DOP1B: variants seen among roughly 807,000 people sequenced by gnomAD.
The protein encoded by DOP1B is DOP1 leucine zipper like protein B.
A neutral mutation model predicts 233.5 loss-of-function variants in DOP1B; 174 were observed. The ratio of observed to expected loss-of-function variants is 0.75; its 90% CI spans 0.66 to 0.85. The LOEUF (loss-of-function observed/expected upper bound fraction) is 0.85. DOP1B is among the 40% of genes least tolerant of loss of function. The pLI is 0.00. For synonymous variants in DOP1B, 1,190 were observed against 1,185.6 expected (o/e 1.00, Z -0.08); for missense variants, 2,652 against 2,846.6 (o/e 0.93, Z 1.56).
At position 36,245,424 on chromosome 21, in the gene DOP1B, C is replaced by T. The variant is rs775022984; in HGVS notation, c.3444C>T (p.Ile1148=). The change falls in exon 19 of 37, where the codon ATC becomes ATT. Residue 1148 remains isoleucine, a synonymous_variant. Transcript: ENST00000691173. The surrounding 1 kb of genome is among the most constrained non-coding windows in gnomAD (Gnocchi z 5.5). ...ACGAAGAGAACTGCTGTGCACCCATCCCCATGGGGGGCAGGGCGTACCCCA... is the reference window on the plus strand; with the variant it reads ...ACGAAGAGAACTGCTGTGCACCCATTCCCATGGGGGGCAGGGCGTACCCCA... ...LSNEENCCAP[I]PMGGRAYPKR... 1.4e-5 allele frequency: 22 copies of T among 1,614,052 alleles called. No homozygotes were observed. The South Asian group carries it at 1.6e-4, about 12-fold the overall frequency.
In DOP1B at chr21:36,238,640, T is replaced by G. The variant is rs1364215769; in HGVS notation, c.2815T>G (p.Trp939Gly). The G allele has an allele frequency of 1.2e-6, 2 of 1,614,244 alleles. No individual in the cohort carries two copies. Among genetic ancestry groups the G allele is most frequent in the Admixed American group, 1.7e-5 (1 of 60,022 alleles). ...AGCTCTGTTTAGATTTTCCGTGATCTGGCATCTGACAAGAGAGATCCAAGG... is the reference window on the plus strand; with the variant it reads ...AGCTCTGTTTAGATTTTCCGTGATCGGGCATCTGACAAGAGAGATCCAAGG... ...LEALFRFSVI[W>G]HLTREIQGSR... The change falls in exon 17 of 37, where the codon TGG becomes GGG. Residue 939 changes from tryptophan (W) to glycine (G), a missense_variant. Trp to Gly is a radical substitution (Grantham distance 184). This residue lies in a region of DOP1B where 2,617 missense variants were observed against 2,794.3 expected (regional missense o/e 0.94). Transcript: ENST00000691173.
At chr21:36,238,011 T>C (rs1026411664) in intron 16 of DOP1B, among the ~76,000 whole-genome samples, 1 of 151,986 alleles carries the variant, frequency 6.6e-6, no homozygotes, top group Admixed American at 6.6e-5. Context: ...GTACTAAAAA[T>C]ACAATATTAG....
In DOP1B at chr21:36,277,069, A is replaced by G. The variant is rs1412017678; in HGVS notation, c.5681A>G (p.Tyr1894Cys). 3 of 1,614,006 alleles carry G rather than the reference A, an allele frequency of 1.9e-6. No individual in the cohort carries two copies. Among genetic ancestry groups the G allele is most frequent in the Non-Finnish European group, 2.5e-6 (3 of 1,180,000 alleles). ...AMVSSSAPSV[Y>C]SVQALSLLAE... ...GTGTCTTCATCCGCCCCGTCGGTGT[A>G]CAGCGTGCAAGCCCTCTCTCTCCTG... Residue 1894 changes from tyrosine to cysteine, a missense_variant, in exon 28 of 37, where the codon TAC becomes TGC. This residue lies in a region of DOP1B where 2,617 missense variants were observed against 2,794.3 expected (regional missense o/e 0.94). Transcript: ENST00000691173.
intron 2 of DOP1B, among the ~76,000 whole-genome samples, chr21:36,191,615 G>A (rs981248524): frequency 2.6e-5 from 4 of 152,074 alleles, no homozygotes; most frequent in Non-Finnish European, 1.5e-5. Context: ...GTGAAACCTC[G>A]TCTCTACTAA....
rs188057589 is a variant in DOP1B, at chr21:36,213,670, C to T, written c.905-411C>T. On this transcript the variant is annotated intron_variant, in intron 7 of 36. Transcript: ENST00000691173. Reference sequence around the variant, plus strand: ...TCTTCTGCCTCAACCTCCCAAGTAGCTGGGATTACAGGTGTGCGCCATCAC... The same window carrying T: ...TCTTCTGCCTCAACCTCCCAAGTAGTTGGGATTACAGGTGTGCGCCATCAC... Among the ~76,000 whole-genome samples, 37 of 151,934 alleles carry T rather than the reference C, an allele frequency of 2.4e-4. No homozygotes were observed. The East Asian group carries it at 6.5e-3, about 27-fold the overall frequency.
At chr21:36,274,634 A>G (rs1030569395) in intron 27 of DOP1B, among the ~76,000 whole-genome samples, 1 of 152,082 alleles carries the variant, frequency 6.6e-6, no homozygotes, top group Non-Finnish European at 1.5e-5. Flanking sequence ...GCTGAGAAGC[A>G]AAGTGCAACA....
At chr21:36,227,959 G>A in intron 13 of DOP1B, 82 bp downstream of exon 13, 1 of 1,328,452 alleles carries the variant, frequency 7.5e-7, no homozygotes, top group South Asian at 1.6e-5. Flanking sequence ...CTTTAGGGTT[G>A]GTTAGGATAG....
intron 1 of DOP1B, among the ~76,000 whole-genome samples, chr21:36,162,050 C>A (rs986498342): frequency 1.3e-5 from 2 of 152,146 alleles, no homozygotes; most frequent in Non-Finnish European, 2.9e-5. Context: ...CTAGGTATTT[C>A]TGTTATAAGT....
chr21:36,171,225 G>A (rs762329797), intron 2 of DOP1B, among the ~76,000 whole-genome samples: 1 of 152,156 alleles, frequency 6.6e-6, no homozygotes, highest in East Asian at 1.9e-4. Context: ...TATAGCTTAC[G>A]TAAGGGGAAA....
chr21:36,160,666 C>T (rs941001866), intron 1 of DOP1B, among the ~76,000 whole-genome samples: 3 of 151,818 alleles, frequency 2.0e-5, no homozygotes, highest in Non-Finnish European at 4.4e-5. Context: ...TTAGTAGTGA[C>T]GGGGTTTCGC....
chr21:36,251,601 A>G (rs956054074), intron 22 of DOP1B, among the ~76,000 whole-genome samples: 14 of 152,096 alleles, frequency 9.2e-5, no homozygotes, highest in Non-Finnish European at 1.8e-4. Flanking sequence ...TGTATTTTTT[A>G]GTAGAGACAG....
At chr21:36,253,654 A>T in intron 22 of DOP1B, 118 bp from the exon 23 acceptor site, 74 of 1,072,258 alleles carry the variant, frequency 6.9e-5, no homozygotes, top group Non-Finnish European at 9.2e-5. Context: ...AAAAAAAAAG[A>T]GATGAAAACA....
At chr21:36,208,964 C>T (rs2066461865) in intron 5 of DOP1B, 60 bp downstream of exon 5, 1 of 1,431,498 alleles carries the variant, frequency 7.0e-7, no homozygotes, top group Non-Finnish European at 9.2e-7. Context: ...ACAGCATCCT[C>T]ATGGGCAGGT....
Position 36,209,034 on chromosome 21 carries a change from G to T in DOP1B, c.681+130G>T, listed in dbSNP as rs985660115. 6 of 1,084,630 alleles carry T rather than the reference G, an allele frequency of 5.5e-6. No individual in the cohort carries two copies. In the African/African-American group the frequency reaches 9.9e-5, roughly 18 times the overall value. 67.2% of individuals were successfully genotyped at this position (1,084,630 alleles called of 1,614,324 possible). On this transcript the variant is annotated intron_variant, in intron 5 of 36. Coordinates refer to ENST00000691173, the MANE Select transcript of DOP1B (RefSeq NM_001320714.2). Reference sequence around the variant, plus strand: ...GGAGGTGCACCAAGCTTAAGTCTGGGTAACGAACGGCTGAGCAAGGCGAGA... The same window carrying T: ...GGAGGTGCACCAAGCTTAAGTCTGGTTAACGAACGGCTGAGCAAGGCGAGA...
At chr21:36,210,489 A>G (rs146582050) in intron 5 of DOP1B, among the ~76,000 whole-genome samples, 2,770 of 152,274 alleles carry the variant, frequency 0.018, 85 homozygotes, top group African/African-American at 0.063. Flanking sequence ...TACTAAAAAT[A>G]CAAAAATGAG....
At position 36,269,994 on chromosome 21, in the gene DOP1B, T is replaced by A; in HGVS notation, c.5488-19T>A. On this transcript the variant is annotated intron_variant, in intron 26 of 36. Coordinates refer to ENST00000691173, the MANE Select transcript of DOP1B (RefSeq NM_001320714.2). ...TTCCTTAATTAACTTCCTTTCCCCC[T>A]CCTCCTGATAATTCTCAGGAAATCA... The A allele has an allele frequency of 3.1e-6, 5 of 1,613,320 alleles. No homozygotes were observed. The South Asian group carries it at 4.4e-5, about 14-fold the overall frequency.
chr21:36,283,776 A>G (rs981262899), intron 32 of DOP1B, among the ~76,000 whole-genome samples: 1 of 152,084 alleles, frequency 6.6e-6, no homozygotes, highest in Non-Finnish European at 1.5e-5. Flanking sequence ...CATGTGCAGT[A>G]TAGGGGAGGA....
At chr21:36,251,461 C>G (rs2067032138) in intron 22 of DOP1B, among the ~76,000 whole-genome samples, 177 bp downstream of exon 22, 1 of 151,942 alleles carries the variant, frequency 6.6e-6, no homozygotes, top group African/African-American at 2.4e-5. Context: ...CTCTTTTCAC[C>G]CAGGCTGGAG....
chr21:36,279,462 A>G (rs2067390972), intron 30 of DOP1B, among the ~76,000 whole-genome samples: 1 of 152,190 alleles, frequency 6.6e-6, no homozygotes, highest in South Asian at 2.1e-4. Context: ...CCACTCCTTT[A>G]TTAATGACAG....
Sources: gnomAD v4.1 joint callset for allele counts (sites outside exome capture counted in the v4.1 genomes callset) on GRCh38, gnomAD v4.1.1 for gene constraint, gnomAD v4.1.1 regional missense constraint, Gnocchi (gnomAD v3.1) non-coding constraint, MANE v1.5 for transcripts, NCBI Gene and HGNC (gene_info 2026-07-23, HGNC 2026-07-21) for gene names.